The following PPWD1 variants were observed in gnomAD, a reference collection of about 807,000 sequenced individuals.
PPWD1 encodes peptidylprolyl isomerase domain and WD repeat containing 1.
A neutral mutation model predicts 68.8 loss-of-function variants in PPWD1; 43 were observed. The ratio of observed to expected loss-of-function variants is 0.62; its 90% confidence interval spans 0.49 to 0.81. PPWD1 has a LOEUF of 0.81. Among genes scored for constraint, PPWD1 ranks in the 30% least tolerant of loss-of-function variants. PPWD1 has a pLI of 0.00. For missense variants in PPWD1, 672 were observed against 804.8 expected (o/e 0.83, Z 2.00); for synonymous variants, 232 against 258.7 (o/e 0.90, Z 0.99).
chr5:65,574,132 G>A (rs1182012038), intron 5 of PPWD1, among the ~76,000 whole-genome samples: 1 of 152,132 alleles, frequency 6.6e-6, no homozygotes, highest in Non-Finnish European at 1.5e-5. Flanking sequence ...TCTTTCTAGT[G>A]GCGATCTTGA....
chr5:65,569,297 C>T, intron 2 of PPWD1: 1 of 276,532 alleles, frequency 3.6e-6, no homozygotes, highest in East Asian at 1.0e-4. Context: ...AGTTTATTTT[C>T]TTGTGAAAAG....
rs759007939 is a variant in PPWD1, at chr5:65,576,865, GGTTT to G, written c.970-13_970-10del. 4.3e-6 allele frequency: 7 copies of G among 1,612,144 alleles called. No homozygotes were observed. The highest frequency in any genetic ancestry group is 1.7e-5 in the Admixed American group (1 of 59,858). ...GTATATAGAGTTTTTGTTACTAAAT[GGTTT>G]ATTTCCTAGATGTTTACTGAACTGC... is the stretch of plus-strand genomic sequence containing the variant. On this transcript the variant is annotated splice_polypyrimidine_tract_variant and intron_variant, in intron 5 of 10. Coordinates refer to ENST00000261308, the MANE Select transcript of PPWD1 (RefSeq NM_015342.4).
At chr5:65,585,835 T>C (rs757812842) in intron 9 of PPWD1, 164 bp from the exon 10 acceptor site, 41 of 819,364 alleles carry the variant, frequency 5.0e-5, no homozygotes, top group African/African-American at 5.9e-5. Flanking sequence ...GGTTGGGCAA[T>C]GGAAATACAT....
At chr5:65,581,988 T>C (rs944678519) in intron 7 of PPWD1, among the ~76,000 whole-genome samples, 4 of 152,190 alleles carry the variant, frequency 2.6e-5, no homozygotes, top group African/African-American at 9.6e-5. Context: ...TACAAATCCA[T>C]ATATCAGCTA....
intron 1 of PPWD1, among the ~76,000 whole-genome samples, chr5:65,566,676 A>T (rs554523332): frequency 5.9e-5 from 9 of 151,758 alleles, no homozygotes; most frequent in Non-Finnish European, 1.2e-4. Flanking sequence ...TTTATTTGGG[A>T]TACATATAAT....
chr5:65,576,308 GTAGTTCT>G, intron 5 of PPWD1: 1 of 984,026 alleles, frequency 1.0e-6, no homozygotes, highest in Admixed American at 6.2e-5. Flanking sequence ...AGAGAAAGCA[GTAGTTCT>G]ATTAACCAAC....
rs529228910 is a variant in PPWD1, at chr5:65,578,827, T to A, written c.1161-597T>A. Among the ~76,000 whole-genome samples, 193 of 148,904 alleles carry A rather than the reference T, an allele frequency of 1.3e-3. 1 individual carries two copies. The highest frequency in any genetic ancestry group is 3.0e-3 in the Admixed American group (44 of 14,878). On this transcript the variant is annotated intron_variant, in intron 6 of 10. Coordinates refer to ENST00000261308, the MANE Select transcript of PPWD1 (RefSeq NM_015342.4). Reference sequence around the variant, plus strand: ...ATATGTGTATATATATACTTTTTTTTAAAAAAAGAGTTTTTTATATATTTT... The same window carrying A: ...ATATGTGTATATATATACTTTTTTTAAAAAAAAGAGTTTTTTATATATTTT...
At chr5:65,587,150 A>G in intron 10 of PPWD1, 103 bp from the exon 11 acceptor site, 1 of 1,252,980 alleles carries the variant, frequency 8.0e-7, no homozygotes, top group Non-Finnish European at 1.1e-6. Flanking sequence ...AATATATGCT[A>G]AAGGGGAGCG....
In PPWD1 at chr5:65,579,586, A is replaced by G. The variant is rs774916161; in HGVS notation, c.1323A>G (p.Thr441=). 1.1e-5 allele frequency: 17 copies of G among 1,582,502 alleles called. No individual in the cohort carries two copies. Among genetic ancestry groups the G allele is most frequent in the Admixed American group, 5.7e-5 (3 of 52,572 alleles). ...AAGCTGACCCAACAATAGTCTGTACATCATTCAAAAAGAATAGATTTTATA... is the reference window on the plus strand; with the variant it reads ...AAGCTGACCCAACAATAGTCTGTACGTCATTCAAAAAGAATAGATTTTATA... ...NIQADPTIVC[T]SFKKNRFYMF... Residue 441 remains threonine, a synonymous_variant, in exon 7 of 11, where the codon ACA becomes ACG. Coordinates refer to ENST00000261308, the MANE Select transcript of PPWD1 (RefSeq NM_015342.4).
intron 7 of PPWD1, among the ~76,000 whole-genome samples, chr5:65,580,969 C>T (rs1183583739): frequency 6.6e-6 from 1 of 152,092 alleles, no homozygotes; most frequent in African/African-American, 2.4e-5. Context: ...AGATAAAATC[C>T]ATAAATACAG....
intron 5 of PPWD1, among the ~76,000 whole-genome samples, chr5:65,575,265 C>G (rs1475105790): frequency 6.6e-6 from 1 of 152,148 alleles, no homozygotes; most frequent in African/African-American, 2.4e-5. Context: ...AGTCTTCTCT[C>G]CGGCAGAAAT....
chr5:65,586,227 G>T, intron 10 of PPWD1, 46 bp downstream of exon 10: 1 of 1,549,868 alleles, frequency 6.5e-7, no homozygotes, highest in African/African-American at 1.4e-5. Flanking sequence ...GATAGGTTAT[G>T]ATGTAAGAGA....
rs1451154503 is a variant in PPWD1, at chr5:65,576,860, T to C, written c.970-19T>C. 2 of 1,611,580 alleles carry C rather than the reference T, an allele frequency of 1.2e-6. No individual in the cohort carries two copies. The highest frequency in any genetic ancestry group is 8.5e-7 in the Non-Finnish European group (1 of 1,178,460). On this transcript the variant is annotated intron_variant, in intron 5 of 10. Transcript: ENST00000261308. ...TATATGTATATAGAGTTTTTGTTAC[T>C]AAATGGTTTATTTCCTAGATGTTTA...
At chr5:65,575,513 A>T (rs1753240918) in intron 5 of PPWD1, among the ~76,000 whole-genome samples, 1 of 152,248 alleles carries the variant, frequency 6.6e-6, no homozygotes, top group South Asian at 2.1e-4. Context: ...TCTAGAAAAC[A>T]CAAGATTATG....
At chr5:65,567,385 T>C in intron 1 of PPWD1, 128 bp from the exon 2 acceptor site, 2 of 1,316,984 alleles carry the variant, frequency 1.5e-6, no homozygotes, top group Non-Finnish European at 2.0e-6. Context: ...TAATTGTGAA[T>C]TGAGAAAAAC....
At chr5:65,573,555 A>G (rs1370989939) in intron 5 of PPWD1, among the ~76,000 whole-genome samples, 1 of 5,566 alleles carries the variant, frequency 1.8e-4, no homozygotes, top group African/African-American at 8.7e-4. Flanking sequence ...TTTTTTTTTA[A>G]GTACAGACGG....
chr5:65,583,725 G>T (rs1753698843), intron 8 of PPWD1, among the ~76,000 whole-genome samples: 1 of 152,000 alleles, frequency 6.6e-6, no homozygotes, highest in African/African-American at 2.4e-5. Flanking sequence ...AAGACAGGAA[G>T]ATCAGTGGAG....
chr5:65,564,888 C>T (rs575375082), intron 1 of PPWD1, among the ~76,000 whole-genome samples: 1 of 152,200 alleles, frequency 6.6e-6, no homozygotes, highest in African/African-American at 2.4e-5. Context: ...ACTTAGCTAT[C>T]ATCTTCTCTG....
chr5:65,563,653 T>A lies in PPWD1; in HGVS notation c.196+147T>A, dbSNP rs1581139767. 6 of 1,335,792 alleles carry A rather than the reference T, an allele frequency of 4.5e-6. No homozygotes were observed. The South Asian group carries it at 8.1e-5, about 18-fold the overall frequency. 82.7% of individuals were successfully genotyped at this position (1,335,792 alleles called of 1,614,324 possible). A position where few individuals can be genotyped will look rare whatever the true frequency, so the allele number is the denominator to read the frequency against. ...CTCTCACTTCTGGCTACTCCATACTTGCATGTCTTAACGAAATAGTGATTT... is the reference window on the plus strand; with the variant it reads ...CTCTCACTTCTGGCTACTCCATACTAGCATGTCTTAACGAAATAGTGATTT... On this transcript the variant is annotated intron_variant, in intron 1 of 10. Coordinates refer to ENST00000261308, the MANE Select transcript of PPWD1 (RefSeq NM_015342.4).
Sources: gnomAD v4.1 joint callset for allele counts (sites outside exome capture counted in the v4.1 genomes callset) on GRCh38, gnomAD v4.1.1 for gene constraint, MANE v1.5 for transcripts, NCBI Gene and HGNC (gene_info 2026-07-23, HGNC 2026-07-21) for gene names.